The following ZNF529 variants were observed in gnomAD, a reference collection of about 807,000 sequenced individuals.
ZNF529 encodes zinc finger protein 529.
ZNF529 carries 11 observed loss-of-function variants against 10.1 expected under a neutral mutation model. The ratio of observed to expected loss-of-function variants is 1.09; its 90% CI spans 0.69 to 1.81. The LOEUF (loss-of-function observed/expected upper bound fraction) is 1.81, where lower values mean the gene tolerates loss of function less well. ZNF529 is among the 40% of genes most tolerant of loss of function. The pLI, the probability that ZNF529 is intolerant of heterozygous loss-of-function variation, is 0.00. For missense variants in ZNF529, 624 were observed against 666.8 expected (o/e 0.94, Z 0.71); for synonymous variants, 204 against 215.7 (o/e 0.95, Z 0.47).
At chr19:36,561,994 G>A (rs2035716612) in intron 2 of ZNF529, among the ~76,000 whole-genome samples, 1 of 152,188 alleles carries the variant, frequency 6.6e-6, no homozygotes, top group South Asian at 2.1e-4. Flanking sequence ...CCAGCACTCT[G>A]GGAGGCCAAG....
Position 36,586,434 on chromosome 19 carries a change from G to A in ZNF529, c.-41+3181C>T, listed in dbSNP as rs151243414. Among the ~76,000 whole-genome samples, 113 of 151,812 alleles carry A rather than the reference G, an allele frequency of 7.4e-4. 1 individual carries two copies. In the East Asian group the frequency reaches 0.012, roughly 16 times the overall value. On this transcript the variant is annotated intron_variant, in intron 2 of 4. Transcript: ENST00000585960. ...AGCCTGACCAATATGATGAAACCCC[G>A]TCTCTACTAAAAACACAAAAATTAG... is the stretch of plus-strand genomic sequence containing the variant.
rs564080529 is a variant in ZNF529, at chr19:36,563,902, G to A, written c.15-7705C>T. Among the ~76,000 whole-genome samples the A allele has an allele frequency of 9.9e-5, 15 of 152,126 alleles. No individual in the cohort carries two copies. In the East Asian group the frequency reaches 1.9e-3, roughly 20 times the overall value. The stretch of plus-strand genomic sequence containing the variant: ...ACTACAAGGCTACAGTAACCAAAAC[G>A]CAATGGTTTGGAAACAGACACACAG... On this transcript the variant is annotated intron_variant, in intron 2 of 4. Transcript: ENST00000591340.
chr19:36,590,486 T>C (rs1294481938), intron 1 of ZNF529, among the ~76,000 whole-genome samples: 1 of 152,008 alleles, frequency 6.6e-6, no homozygotes, highest in Non-Finnish European at 1.5e-5. Flanking sequence ...CTAGAATCAA[T>C]AACTACAGGT....
At chr19:36,563,347 C>A (rs2035781251) in intron 2 of ZNF529, among the ~76,000 whole-genome samples, 1 of 150,700 alleles carries the variant, frequency 6.6e-6, no homozygotes, top group African/African-American at 2.4e-5. Context: ...CGCGTGAACC[C>A]AGGAGGCGGA....
chr19:36,592,050 G>A (rs978332469), intron 1 of ZNF529, among the ~76,000 whole-genome samples: 1 of 151,776 alleles, frequency 6.6e-6, no homozygotes, highest in Non-Finnish European at 1.5e-5. Context: ...ATAGCGGGTG[G>A]ATCACTTGAG....
At chr19:36,556,760 C>T (rs370747742) in intron 2 of ZNF529, among the ~76,000 whole-genome samples, 9 of 152,286 alleles carry the variant, frequency 5.9e-5, no homozygotes, top group African/African-American at 2.2e-4. Flanking sequence ...ACGCCATTGT[C>T]CCTACCTCCA....
chr19:36,595,173 G>A (rs1041688041), intron 1 of ZNF529, among the ~76,000 whole-genome samples: 2 of 152,050 alleles, frequency 1.3e-5, no homozygotes, highest in South Asian at 2.1e-4. Context: ...CACCATGCCC[G>A]GCCTCCTATT....
At position 36,573,055 on chromosome 19, in the gene ZNF529, G is replaced by C. The variant is rs186972435; in HGVS notation, c.-47+85C>G. ...CGCCCCTACTCACCGTCCTGAGTCC[G>C]ATCAAACAGCACCCACGGCACACAC... On this transcript the variant is annotated intron_variant, in intron 1 of 4. Coordinates refer to ENST00000591340, the MANE Select transcript of ZNF529 (RefSeq NM_020951.5). 201 of 178,684 alleles carry C rather than the reference G, an allele frequency of 1.1e-3. 3 individuals are homozygous for C. Among genetic ancestry groups the C allele is most frequent in the African/African-American group, 4.6e-3 (195 of 42,506 alleles). The allele number at this position is 178,684 out of a possible 1,614,324, so 11.1% of individuals were successfully genotyped here. A position where few individuals can be genotyped will look rare whatever the true frequency, so the allele number is the denominator to read the frequency against.
upstream of ZNF529, chr19:36,573,564 G>A: frequency 2.2e-6 from 1 of 461,556 alleles, no homozygotes; most frequent in Non-Finnish European, 4.5e-6. Context: ...AGGTTGGGAG[G>A]ACAGAATGGG....
intron 4 of ZNF529, 83 bp from the exon 5 acceptor site, chr19:36,548,405 C>T (rs2035136283): frequency 2.3e-6 from 3 of 1,303,686 alleles, no homozygotes; most frequent in Non-Finnish European, 3.1e-6. Context: ...GAATAATTCA[C>T]CATATACATG....
chr19:36,563,335 A>G (rs2035780385), intron 2 of ZNF529, among the ~76,000 whole-genome samples: 1 of 151,930 alleles, frequency 6.6e-6, no homozygotes, highest in South Asian at 2.1e-4. Context: ...AGGCAGGAAA[A>G]TCGCGTGAAC....
At chr19:36,573,554 A>C (rs909889469), upstream of ZNF529, 15 of 456,280 alleles carry the variant, frequency 3.3e-5, no homozygotes, top group Non-Finnish European at 5.9e-5. Context: ...TCGGGAACCC[A>C]GGTTGGGAGG....
chr19:36,597,835 G>A (rs2036864026), intron 1 of ZNF529, among the ~76,000 whole-genome samples: 1 of 152,176 alleles, frequency 6.6e-6, no homozygotes. Flanking sequence ...TTTTACTTAT[G>A]AGAAGTTAAA....
intron 4 of ZNF529, among the ~76,000 whole-genome samples, chr19:36,551,155 C>T (rs1448451522): frequency 3.3e-5 from 5 of 152,062 alleles, no homozygotes; most frequent in African/African-American, 7.2e-5. Context: ...AAATAGTTTG[C>T]GGGAGCTAAA....
At chr19:36,594,990 C>T (rs756147092) in intron 1 of ZNF529, among the ~76,000 whole-genome samples, 19 of 152,092 alleles carry the variant, frequency 1.2e-4, no homozygotes, top group Admixed American at 8.5e-4. Flanking sequence ...GTGATTCTCC[C>T]GCCTCAGCCT....
rs2036211498 is a variant in ZNF529 at position 36,573,231 on chromosome 19, C to CG, written c.-139dup. On this transcript the variant is annotated 5_prime_UTR_variant, in exon 1 of 5. Transcript: ENST00000591340. ...CCGGCAGCGCGGGGCCACCTCACCG[C>CG]GAGCTCCTCCCGCAGCCCGGCCCGG... 1 of 319,622 alleles carries CG rather than the reference C, an allele frequency of 3.1e-6. No individual in the cohort carries two copies. The highest frequency in any genetic ancestry group is 2.2e-5 in the African/African-American group (1 of 46,102). 19.8% of individuals were successfully genotyped at this position (319,622 alleles called of 1,614,324 possible). A position where few individuals can be genotyped will look rare whatever the true frequency, so the allele number is the denominator to read the frequency against.
intron 2 of ZNF529, among the ~76,000 whole-genome samples, chr19:36,588,473 G>C (rs2036630655): frequency 6.6e-6 from 1 of 152,108 alleles, no homozygotes. Context: ...GGATAGATAG[G>C]TGTGATGGAA....
chr19:36,580,769 C>T (rs1442506812), intron 2 of ZNF529: 2 of 152,122 alleles, frequency 1.3e-5, no homozygotes, highest in Non-Finnish European at 2.9e-5. Flanking sequence ...TTCATATATG[C>T]AGATTCAACC....
chr19:36,579,296 A>T (rs899812933), intron 2 of ZNF529, among the ~76,000 whole-genome samples: 7 of 152,220 alleles, frequency 4.6e-5, no homozygotes. Context: ...AAGTATAAGA[A>T]AGTTGGCATG....
Sources: allele counts gnomAD v4.1 joint callset (sites outside exome capture counted in the v4.1 genomes callset), GRCh38; gene constraint gnomAD v4.1.1; transcripts MANE v1.5; gene names NCBI Gene and HGNC (gene_info 2026-07-23, HGNC 2026-07-21).